The following ADAM9 variants were observed in gnomAD, a reference collection of about 807,000 sequenced individuals.
The protein encoded by ADAM9 is ADAM metallopeptidase domain 9, also known as disintegrin and metalloproteinase domain-containing protein 9.
A neutral mutation model predicts 108.1 loss-of-function variants in ADAM9; 54 were observed. That is an observed-to-expected ratio of 0.50 (90% CI 0.40 to 0.63). ADAM9 has a LOEUF of 0.63. Ranked by LOEUF, ADAM9 falls within the 20% of genes least tolerant of loss-of-function variation. ADAM9 has a pLI of 0.00. For missense variants in ADAM9, 830 were observed against 997.7 expected (o/e 0.83, Z 2.26); for synonymous variants, 316 against 336.0 (o/e 0.94, Z 0.65).
chr8:39,011,626 T>C (rs747916148), intron 2 of ADAM9, 32 bp from the exon 3 acceptor site: 6 of 1,572,030 alleles, frequency 3.8e-6, no homozygotes, highest in Non-Finnish European at 5.2e-6. Context: ...TTTAAGATGA[T>C]GTTTTATTCT....
intron 3 of ADAM9, among the ~76,000 whole-genome samples, 196 bp downstream of exon 3, chr8:39,011,912 A>G (rs191369261): frequency 8.5e-4 from 130 of 152,322 alleles, no homozygotes; most frequent in African/African-American, 3.0e-3. Context: ...AGAGACTGGA[A>G]CCAAGTACCT....
At chr8:39,102,942 C>T (rs974531858) in intron 21 of ADAM9, among the ~76,000 whole-genome samples, 5 of 152,186 alleles carry the variant, frequency 3.3e-5, no homozygotes, top group Admixed American at 6.5e-5. Context: ...ATTACAATTG[C>T]GTTGCAACTC....
chr8:39,088,447 C>T (rs903749454), intron 18 of ADAM9, among the ~76,000 whole-genome samples: 22 of 151,832 alleles, frequency 1.4e-4, no homozygotes, highest in South Asian at 1.0e-3. Context: ...TTAGTAGAGA[C>T]GGGGCTTCAC....
chr8:39,037,460 T>TG (rs1837321405), intron 11 of ADAM9, among the ~76,000 whole-genome samples: 7 of 103,482 alleles, frequency 6.8e-5, no homozygotes, highest in South Asian at 2.3e-4. Flanking sequence ...GTGTGTGTGT[T>TG]TTTTTTTTTT....
chr8:39,084,312 T>A lies in ADAM9; in HGVS notation c.2068+1239T>A, dbSNP rs370233850. Reference sequence around the variant, plus strand: ...TTCATTTGTTCTTTTTCTAGTTTCTTAAGGTGGAGGATGAGGTCATCTTTT... The same window carrying A: ...TTCATTTGTTCTTTTTCTAGTTTCTAAAGGTGGAGGATGAGGTCATCTTTT... On this transcript the variant is annotated intron_variant, in intron 18 of 21. Coordinates refer to ENST00000487273, the MANE Select transcript of ADAM9 (RefSeq NM_003816.3). Among the ~76,000 whole-genome samples, 64 of 151,968 alleles carry A rather than the reference T, an allele frequency of 4.2e-4. 1 individual carries two copies. Among genetic ancestry groups the A allele is most frequent in the African/African-American group, 1.4e-3 (60 of 41,530 alleles).
chr8:39,077,332 G>A lies in ADAM9; in HGVS notation c.1802G>A (p.Trp601Ter). The A allele has an allele frequency of 2.5e-6, 4 of 1,614,040 alleles. No homozygotes were observed. The highest frequency in any genetic ancestry group is 3.4e-6 in the Non-Finnish European group (4 of 1,179,986). Residue 601 changes from tryptophan to a stop codon, truncating the protein, a stop_gained, in exon 16 of 22, where the codon TGG (tryptophan) becomes TAG (stop). Transcript: ENST00000487273. LOFTEE classifies it high-confidence loss of function. ...IQTPSRGTKC[W>*]GVDFQLGSDV... ...ACGCCTAGTCGAGGCACCAAATGTT[G>A]GGGTGTGGATTTCCAGCTAGGATCA...
In ADAM9 at chr8:39,079,683, C is replaced by G. The variant is rs1326197963; in HGVS notation, c.1881+2272C>G. On this transcript the variant is annotated intron_variant, in intron 16 of 21. Coordinates refer to ENST00000487273, the MANE Select transcript of ADAM9 (RefSeq NM_003816.3). ...CAGTGCAACCTCCGCCTCCCAGGCT[C>G]AAGTGATTCTTGTGCCTCAGCCTCC... 6.6e-5 allele frequency among the ~76,000 whole-genome samples: 10 copies of G among 151,314 alleles called. No homozygotes were observed. In the East Asian group the frequency reaches 1.7e-3, roughly 26 times the overall value.
chr8:39,103,700 A>AT lies in ADAM9; in HGVS notation c.*7dup, dbSNP rs748151461. On this transcript the variant is annotated 3_prime_UTR_variant, in exon 22 of 22. Coordinates refer to ENST00000487273, the MANE Select transcript of ADAM9 (RefSeq NM_003816.3). ...CTCCTTTATATAGTTCCCTCACTTG[A>AT]TTTTTTTAACCTTCTTTTTGCAAAT... is the stretch of plus-strand genomic sequence containing the variant. 1.9e-6 allele frequency: 3 copies of AT among 1,612,532 alleles called. No individual in the cohort carries two copies. The highest frequency in any genetic ancestry group is 2.5e-6 in the Non-Finnish European group (3 of 1,179,018).
intron 12 of ADAM9, 114 bp downstream of exon 12, chr8:39,042,231 A>T: frequency 8.7e-7 from 1 of 1,149,120 alleles, no homozygotes; most frequent in Non-Finnish European, 1.3e-6. Flanking sequence ...TTAGTGGCAC[A>T]GTGAGGATTG....
chr8:39,011,838 C>CAT, intron 3 of ADAM9, 122 bp downstream of exon 3: 1 of 933,432 alleles, frequency 1.1e-6, no homozygotes. Context: ...TTTAGCTCTT[C>CAT]ATATTGGTGC....
At chr8:39,055,888 G>A (rs1042756019) in intron 14 of ADAM9, 116 bp downstream of exon 14, 69 of 1,087,778 alleles carry the variant, frequency 6.3e-5, no homozygotes, top group African/African-American at 6.2e-4. Flanking sequence ...GTTTCTCATC[G>A]TATTTCCTTT....
chr8:39,009,118 C>T (rs1323633213), intron 2 of ADAM9, among the ~76,000 whole-genome samples: 1 of 152,152 alleles, frequency 6.6e-6, no homozygotes, highest in African/African-American at 2.4e-5. Context: ...AGTACCACCA[C>T]CTACTAGTTG....
intron 14 of ADAM9, among the ~76,000 whole-genome samples, chr8:39,058,574 G>A (rs967720416): frequency 1.3e-5 from 2 of 152,196 alleles, no homozygotes; most frequent in African/African-American, 4.8e-5. Context: ...CCATTTTGGA[G>A]TAGTAGGCCA....
At chr8:39,045,879 CTTT>C (rs879737714) in intron 12 of ADAM9, among the ~76,000 whole-genome samples, 1 of 144,244 alleles carries the variant, frequency 6.9e-6, no homozygotes, top group Admixed American at 6.9e-5. Flanking sequence ...CAAGATCAGC[CTTT>C]TTTTTTTTGA....
intron 18 of ADAM9, among the ~76,000 whole-genome samples, chr8:39,083,872 T>G (rs2129442529): frequency 6.6e-6 from 1 of 152,262 alleles, no homozygotes; most frequent in East Asian, 1.9e-4. Context: ...ATATAGTAGG[T>G]GTATGTTAAG....
rs757325218 is a variant in ADAM9 at position 39,104,375 on chromosome 8, A to G, written c.*675A>G. The G allele has an allele frequency of 6.7e-6, 3 of 448,990 alleles. No homozygotes were observed. The highest frequency in any genetic ancestry group is 4.8e-5 in the South Asian group (3 of 63,150). 27.8% of individuals were successfully genotyped at this position (448,990 alleles called of 1,614,324 possible). A position where few individuals can be genotyped will look rare whatever the true frequency, so the allele number is the denominator to read the frequency against. On this transcript the variant is annotated 3_prime_UTR_variant, in exon 22 of 22. Coordinates refer to ENST00000487273, the MANE Select transcript of ADAM9 (RefSeq NM_003816.3). ...TTATGACCTTTCAACTATAGGTAAT[A>G]ACTCTTAGAGAAATTAATTTAATAT... is the stretch of plus-strand genomic sequence containing the variant.
At chr8:39,045,739 A>C (rs1388095497) in intron 12 of ADAM9, among the ~76,000 whole-genome samples, 2 of 152,078 alleles carry the variant, frequency 1.3e-5, no homozygotes, top group Non-Finnish European at 2.9e-5. Flanking sequence ...CCAGTAGTGG[A>C]ATTGCTGGGT....
At position 39,077,152 on chromosome 8, in the gene ADAM9, T is replaced by C. The variant is rs909645543; in HGVS notation, c.1698-76T>C. ...TCCATAGCAGCAAACTCTGTCCATA[T>C]GCAAATATATAAATTTTTTCTTTTG... On this transcript the variant is annotated intron_variant, in intron 15 of 21. Coordinates refer to ENST00000487273, the MANE Select transcript of ADAM9 (RefSeq NM_003816.3). 1.1e-5 allele frequency: 17 copies of C among 1,498,368 alleles called. No homozygotes were observed. The African/African-American group carries it at 2.2e-4, about 20-fold the overall frequency. The allele number at this position is 1,498,368 out of a possible 1,614,324, so 92.8% of individuals were successfully genotyped here. A position where few individuals can be genotyped will look rare whatever the true frequency, so the allele number is the denominator to read the frequency against.
At chr8:39,003,499 A>AC (rs397963361) in intron 1 of ADAM9, among the ~76,000 whole-genome samples, 2 of 151,398 alleles carry the variant, frequency 1.3e-5, no homozygotes. Flanking sequence ...AAAAAAAAAA[A>AC]CAACTAAAGG....
Sources: gnomAD v4.1 joint callset for allele counts (sites outside exome capture counted in the v4.1 genomes callset) on GRCh38, gnomAD v4.1.1 for gene constraint, MANE v1.5 for transcripts, NCBI Gene and HGNC (gene_info 2026-07-23, HGNC 2026-07-21) for gene names.